The following OSBPL9 variants were observed in gnomAD, a reference collection of about 807,000 sequenced individuals.
The protein encoded by OSBPL9 is oxysterol binding protein like 9, also known as oxysterol-binding protein-related protein 9.
A neutral mutation model predicts 106.6 loss-of-function variants in OSBPL9; 40 were observed. The observed-to-expected ratio is 0.38, with a 90% CI of 0.29 to 0.49. The LOEUF is 0.49. Among genes scored for constraint, OSBPL9 ranks in the 20% least tolerant of loss-of-function variants. OSBPL9 has a pLI of 0.97. For synonymous variants in OSBPL9, 269 were observed against 295.4 expected, an observed-to-expected ratio of 0.91 and a Z score of 0.92; for missense variants, 609 against 887.2, an observed-to-expected ratio of 0.69 and a Z score of 3.98.
chr1:51,695,268 C>A (rs1027200881), intron 3 of OSBPL9, among the ~76,000 whole-genome samples: 4 of 152,198 alleles, frequency 2.6e-5, no homozygotes, highest in Non-Finnish European at 5.9e-5. Context: ...ACTACCAGTT[C>A]TGATTGGTGC....
At chr1:51,631,661 G>C (rs1240753623) in intron 1 of OSBPL9, among the ~76,000 whole-genome samples, 2 of 152,174 alleles carry the variant, frequency 1.3e-5, no homozygotes, top group Non-Finnish European at 2.9e-5. Flanking sequence ...CAGGATTCAG[G>C]CTCCTCTAAT....
the OSBPL9 span, among the ~76,000 whole-genome samples, chr1:51,528,810 G>A: frequency 6.6e-6 from 1 of 151,986 alleles, no homozygotes; most frequent in Non-Finnish European, 1.5e-5. Flanking sequence ...CAGGGCAGAG[G>A]TTACAGTGAC....
At position 51,597,423 on chromosome 1, in the gene OSBPL9, A is replaced by ATATG. The variant is rs1405804661; in HGVS notation, c.-422-700_-422-699insATGT. Among the ~76,000 whole-genome samples, 207 of 135,832 alleles carry ATATG rather than the reference A, an allele frequency of 1.5e-3. 1 individual carries two copies. The highest frequency in any genetic ancestry group is 2.8e-3 in the African/African-American group (94 of 34,166). 89.1% of individuals were successfully genotyped at this position (135,832 alleles called of 152,430 possible). A position where few individuals can be genotyped will look rare whatever the true frequency, so the allele number is the denominator to read the frequency against. ...AATATATGTGTGTATATATATATAT[A>ATATG]TGTGTGTGTGTGTGTGTGTGTGTGT... On this transcript the variant is annotated intron_variant, in intron 1 of 25. Coordinates refer to the OSBPL9 transcript ENST00000371714.
chr1:51,529,110 A>G, the OSBPL9 span, among the ~76,000 whole-genome samples: 6 of 152,326 alleles, frequency 3.9e-5, no homozygotes, highest in Non-Finnish European at 8.8e-5. Flanking sequence ...TGCAATCCTT[A>G]TTAGAATACC....
At chr1:51,579,018 T>C (rs1645203643) in intron 1 of OSBPL9, among the ~76,000 whole-genome samples, 1 of 151,812 alleles carries the variant, frequency 6.6e-6, no homozygotes, top group Non-Finnish European at 1.5e-5. Flanking sequence ...TCAAAAGACC[T>C]GGCTAGGGAC....
At chr1:51,774,239 A>C (rs1033614438) in intron 14 of OSBPL9, among the ~76,000 whole-genome samples, 4 of 152,204 alleles carry the variant, frequency 2.6e-5, no homozygotes, top group Non-Finnish European at 4.4e-5. Flanking sequence ...GCCACAATCA[A>C]GTTTGTAATT....
the OSBPL9 span, among the ~76,000 whole-genome samples, chr1:51,545,200 T>C: frequency 0.061 from 9,250 of 152,186 alleles, 892 homozygotes; most frequent in African/African-American, 0.21. Flanking sequence ...ACCAGGCAAA[T>C]GTGAACTGGG....
chr1:51,599,514 A>G (rs895080871), intron 2 of OSBPL9, among the ~76,000 whole-genome samples: 5 of 152,240 alleles, frequency 3.3e-5, no homozygotes, highest in Admixed American at 1.3e-4. Context: ...ATACATATTT[A>G]TATTACTTTT....
intron 8 of OSBPL9, among the ~76,000 whole-genome samples, chr1:51,754,810 T>A (rs1177601274): frequency 6.6e-6 from 1 of 152,176 alleles, no homozygotes; most frequent in Non-Finnish European, 1.5e-5. Flanking sequence ...ACTCTCTCTC[T>A]CATTTTTTAA....
upstream of OSBPL9, among the ~76,000 whole-genome samples, chr1:51,574,416 G>C (rs556860624): frequency 3.0e-4 from 46 of 151,992 alleles, 1 homozygote; most frequent in South Asian, 9.6e-3. Flanking sequence ...TCAGGAGTTC[G>C]AGACCAGCCT....
rs112631393 is a variant in OSBPL9 at position 51,735,669 on chromosome 1, G to A, written c.319-9867G>A. On this transcript the variant is annotated intron_variant, in intron 4 of 23. Transcript: ENST00000428468. ...TCATCTTGGCATCCCCAAAGGATCCGGCACAGGGCCATAGTCATAAGAGAT... is the reference window on the plus strand; with the variant it reads ...TCATCTTGGCATCCCCAAAGGATCCAGCACAGGGCCATAGTCATAAGAGAT... Among the ~76,000 whole-genome samples the A allele has an allele frequency of 2.6e-3, 402 of 152,284 alleles. 1 individual carries two copies. Among genetic ancestry groups the A allele is most frequent in the Non-Finnish European group, 4.6e-3 (313 of 68,010 alleles).
intron 1 of OSBPL9, among the ~76,000 whole-genome samples, chr1:51,590,887 C>A (rs1231738924): frequency 2.0e-5 from 3 of 149,644 alleles, no homozygotes; most frequent in African/African-American, 7.4e-5. Flanking sequence ...GTAGCTGGGA[C>A]TACAGGCACA....
intron 3 of OSBPL9, among the ~76,000 whole-genome samples, chr1:51,685,553 G>A (rs962504872): frequency 1.3e-5 from 2 of 152,056 alleles, no homozygotes; most frequent in South Asian, 2.1e-4. Flanking sequence ...GATTATAGGC[G>A]CGCCACCACA....
In OSBPL9 at chr1:51,662,410, A is replaced by G. The variant is rs78744899; in HGVS notation, c.163-7024A>G. Reference sequence around the variant, plus strand: ...TGAGTGTGGAAGGACTGGGTTTTCGATAGAAGAATGGATGCCTTTTCCATT... The same window carrying G: ...TGAGTGTGGAAGGACTGGGTTTTCGGTAGAAGAATGGATGCCTTTTCCATT... On this transcript the variant is annotated intron_variant, in intron 2 of 23. Coordinates refer to ENST00000428468, the MANE Select transcript of OSBPL9 (RefSeq NM_024586.6). Among the ~76,000 whole-genome samples the G allele has an allele frequency of 2.1e-4, 32 of 152,282 alleles. No homozygotes were observed. In the East Asian group the frequency reaches 5.0e-3, roughly 24 times the overall value.
chr1:51,572,809 T>C (rs187152653), upstream of OSBPL9, among the ~76,000 whole-genome samples: 93 of 152,362 alleles, frequency 6.1e-4, no homozygotes, highest in Middle Eastern at 3.4e-3. Context: ...TGAATGGACA[T>C]ATTATATTTG....
upstream of OSBPL9, among the ~76,000 whole-genome samples, chr1:51,577,005 G>A (rs1316814576): frequency 6.6e-6 from 1 of 152,142 alleles, no homozygotes; most frequent in Admixed American, 6.6e-5. Flanking sequence ...TGGATCGTGG[G>A]GAGAATCCTT....
intron 3 of OSBPL9, chr1:51,669,820 T>A: frequency 3.9e-6 from 2 of 512,714 alleles, no homozygotes; most frequent in Non-Finnish European, 7.6e-6. Context: ...AGAAGGTTGC[T>A]GATCTTCTTT....
chr1:51,607,164 C>CTTTT (rs1320905927), intron 2 of OSBPL9, among the ~76,000 whole-genome samples: 3 of 136,382 alleles, frequency 2.2e-5, no homozygotes, highest in Non-Finnish European at 4.8e-5. Context: ...TTTTCTTTTT[C>CTTTT]TTTTTTTTTT....
chr1:51,550,870 G>T, the OSBPL9 span, among the ~76,000 whole-genome samples: 1 of 152,120 alleles, frequency 6.6e-6, no homozygotes, highest in Non-Finnish European at 1.5e-5. Context: ...TGAAAGTGAG[G>T]ATTAAGTTTA....
Sources: gnomAD v4.1 joint callset for allele counts (sites outside exome capture counted in the v4.1 genomes callset) on GRCh38, gnomAD v4.1.1 for gene constraint, MANE v1.5 for transcripts, NCBI Gene and HGNC (gene_info 2026-07-23, HGNC 2026-07-21) for gene names.